DESI2: variants seen among roughly 807,000 people sequenced by gnomAD.
DESI2 encodes the protein deubiquitinase DESI2.
In DESI2, 10 loss-of-function variants were observed where a neutral mutation model predicts 24.1. The ratio of observed to expected loss-of-function variants is 0.41; its 90% confidence interval spans 0.26 to 0.70. The LOEUF (loss-of-function observed/expected upper bound fraction) is 0.70, where lower values mean the gene tolerates loss of function less well. Among genes scored for constraint, DESI2 ranks in the 30% least tolerant of loss-of-function variants. The pLI is 0.29. For missense variants in DESI2, 122 were observed against 234.9 expected, an observed-to-expected ratio of 0.52 and a Z score of 3.14; for synonymous variants, 71 against 87.7, an observed-to-expected ratio of 0.81 and a Z score of 1.06.
At chr1:244,654,126 AG>A in intron 1 of DESI2, 1 of 426,202 alleles carries the variant, frequency 2.3e-6, no homozygotes, top group Non-Finnish European at 4.9e-6. Context: ...ATCGAGTCCA[AG>A]AACTGGTTTG....
chr1:244,676,478 A>G (rs1676420046), intron 1 of DESI2, among the ~76,000 whole-genome samples: 3 of 152,076 alleles, frequency 2.0e-5, no homozygotes, highest in South Asian at 2.1e-4. Context: ...TTTCCTGTAT[A>G]TAATATCATA....
intron 1 of DESI2, among the ~76,000 whole-genome samples, chr1:244,654,185 A>G (rs971803126): frequency 6.6e-6 from 1 of 152,140 alleles, no homozygotes; most frequent in East Asian, 1.9e-4. Context: ...CCCGGTAGAG[A>G]ATTGTCGTTG....
At position 244,689,357 on chromosome 1, in the gene DESI2, T is replaced by C. The variant is rs1344421153; in HGVS notation, c.209+15T>C. ...TTTAAATTTAAGTAAGTAGGGAGGA[T>C]AATTTTTATTACACTGTCTTAGGTG... On this transcript the variant is annotated intron_variant, in intron 3 of 4. Coordinates refer to ENST00000302550, the MANE Select transcript of DESI2 (RefSeq NM_016076.5). This position sits in a 1 kb window ranked among gnomAD's most constrained non-coding sequence, Gnocchi z 4.0. The C allele has an allele frequency of 1.7e-6, 2 of 1,193,350 alleles. No individual in the cohort carries two copies. Among genetic ancestry groups the C allele is most frequent in the Admixed American group, 1.7e-5 (1 of 58,910 alleles). 73.9% of individuals were successfully genotyped at this position (1,193,350 alleles called of 1,614,324 possible).
At chr1:244,696,132 C>A (rs28668727) in intron 4 of DESI2, among the ~76,000 whole-genome samples, 7,588 of 152,212 alleles carry the variant, frequency 0.05, 620 homozygotes, top group African/African-American at 0.17. Context: ...TTTAACATAA[C>A]CACATGATGT....
At chr1:244,658,881 A>G (rs758076436) in intron 1 of DESI2, among the ~76,000 whole-genome samples, 10 of 152,216 alleles carry the variant, frequency 6.6e-5, no homozygotes, top group African/African-American at 9.6e-5. Flanking sequence ...ATACTATGGG[A>G]CTAGACTGAG....
intron 1 of DESI2, among the ~76,000 whole-genome samples, chr1:244,668,300 A>G (rs191072799): frequency 5.9e-4 from 90 of 152,284 alleles, no homozygotes; most frequent in Non-Finnish European, 9.7e-4. Context: ...GTGTTTCTCA[A>G]TTTTTATCTT....
chr1:244,703,164 G>C lies in DESI2; in HGVS notation c.352-2392G>C, dbSNP rs527964766. Among the ~76,000 whole-genome samples the C allele has an allele frequency of 2.0e-5, 3 of 151,910 alleles. No homozygotes were observed. In the East Asian group the frequency reaches 5.8e-4, roughly 29 times the overall value. ...TTACAGGTGTGTGCCACCACACCTG[G>C]CTAATTTTTGTATTTTTAGTAGAGA... is the stretch of plus-strand genomic sequence containing the variant. On this transcript the variant is annotated intron_variant, in intron 4 of 4. Coordinates refer to ENST00000302550, the MANE Select transcript of DESI2 (RefSeq NM_016076.5).
chr1:244,686,784 AAGT>A, intron 2 of DESI2, 115 bp downstream of exon 2: 1 of 611,508 alleles, frequency 1.6e-6, no homozygotes. Context: ...TTATTACAGA[AAGT>A]AGAAGAAAAT....
At chr1:244,695,827 G>C (rs1456772881) in intron 4 of DESI2, among the ~76,000 whole-genome samples, 1 of 152,198 alleles carries the variant, frequency 6.6e-6, no homozygotes, top group Admixed American at 6.5e-5. Context: ...CCCGGCTGGG[G>C]TGCAGTAATG....
intron 1 of DESI2, among the ~76,000 whole-genome samples, chr1:244,671,829 A>C (rs915213188): frequency 6.6e-6 from 1 of 152,244 alleles, no homozygotes; most frequent in Non-Finnish European, 1.5e-5. Context: ...GAGGTTAAAC[A>C]TATCAATATT....
chr1:244,689,928 C>G lies in DESI2; in HGVS notation c.209+586C>G, dbSNP rs1676962380. 6.6e-6 allele frequency among the ~76,000 whole-genome samples: 1 copy of G among 152,206 alleles called. No individual in the cohort carries two copies. Among genetic ancestry groups the G allele is most frequent in the African/African-American group, 2.4e-5 (1 of 41,456 alleles). ...CTTTATTGTCCCAATGAAAGGGACACTTTACACGTTTGAAATAATTAAACA... is the reference window on the plus strand; with the variant it reads ...CTTTATTGTCCCAATGAAAGGGACAGTTTACACGTTTGAAATAATTAAACA... On this transcript the variant is annotated intron_variant, in intron 3 of 4. Transcript: ENST00000302550. This position sits in a 1 kb window ranked among gnomAD's most constrained non-coding sequence, Gnocchi z 4.0.
Position 244,686,593 on chromosome 1 carries a change from T to C in DESI2, c.43-4T>C. ...TCTGAATCTTTTCTTTCTTTTTTTC[T>C]CAGTATTGGATGAACGAATATACCT... is the stretch of plus-strand genomic sequence containing the variant. On this transcript the variant is annotated splice_region_variant and splice_polypyrimidine_tract_variant and intron_variant, in intron 1 of 4. Coordinates refer to ENST00000302550, the MANE Select transcript of DESI2 (RefSeq NM_016076.5). 6.3e-7 allele frequency: 1 copy of C among 1,591,294 alleles called. No homozygotes were observed. The highest frequency in any genetic ancestry group is 8.6e-7 in the Non-Finnish European group (1 of 1,159,550).
chr1:244,669,148 G>A (rs988435894), intron 1 of DESI2, among the ~76,000 whole-genome samples: 3 of 151,674 alleles, frequency 2.0e-5, no homozygotes, highest in Admixed American at 1.3e-4. Flanking sequence ...ACTATGCACC[G>A]CCACACCCGG....
intron 4 of DESI2, among the ~76,000 whole-genome samples, chr1:244,699,439 G>A (rs1018169381): frequency 2.0e-4 from 30 of 151,746 alleles, no homozygotes; most frequent in Middle Eastern, 6.8e-3. Flanking sequence ...GAAATTAGCC[G>A]GGCATGGTGG....
intron 4 of DESI2, among the ~76,000 whole-genome samples, chr1:244,702,742 G>A (rs1677520502): frequency 6.6e-6 from 1 of 152,114 alleles, no homozygotes; most frequent in South Asian, 2.1e-4. Context: ...TCTGTTGTAG[G>A]CTAATCAAGC....
chr1:244,679,938 GT>G (rs1676549188), intron 1 of DESI2, among the ~76,000 whole-genome samples: 1 of 145,218 alleles, frequency 6.9e-6, no homozygotes, highest in Non-Finnish European at 1.5e-5. Flanking sequence ...CACCCAAGAA[GT>G]TTTTAATTGA....
At chr1:244,655,931 T>C (rs1675631098) in intron 1 of DESI2, among the ~76,000 whole-genome samples, 1 of 152,216 alleles carries the variant, frequency 6.6e-6, no homozygotes, top group African/African-American at 2.4e-5. Context: ...AGCAGAACCA[T>C]TTAAGGTTTT....
At chr1:244,658,818 T>C (rs1463579540) in intron 1 of DESI2, among the ~76,000 whole-genome samples, 3 of 152,064 alleles carry the variant, frequency 2.0e-5, no homozygotes, top group African/African-American at 7.2e-5. Flanking sequence ...GAGGGGAGGA[T>C]TATAGGAATG....
intron 1 of DESI2, among the ~76,000 whole-genome samples, chr1:244,663,263 G>A (rs994256799): frequency 1.8e-4 from 27 of 151,632 alleles, no homozygotes; most frequent in African/African-American, 6.3e-4. Context: ...TGCAAGCTCC[G>A]CCTCCTGGGT....
Sources: gnomAD v4.1 joint callset for allele counts (sites outside exome capture counted in the v4.1 genomes callset) on GRCh38, gnomAD v4.1.1 for gene constraint, Gnocchi (gnomAD v3.1) non-coding constraint, MANE v1.5 for transcripts, NCBI Gene and HGNC (gene_info 2026-07-23, HGNC 2026-07-21) for gene names.